RBFOX1: variants seen among roughly 807,000 people sequenced by gnomAD.
The protein encoded by RBFOX1 is RNA binding protein fox-1 homolog 1.
A neutral mutation model predicts 57.7 loss-of-function variants in RBFOX1; 8 were observed. The observed-to-expected ratio is 0.14, with a 90% CI of 0.08 to 0.25. The LOEUF (loss-of-function observed/expected upper bound fraction) is 0.25. RBFOX1 is among the 10% of genes least tolerant of loss of function. RBFOX1 has a pLI of 1.00. For synonymous variants in RBFOX1, 326 were observed against 222.4 expected (o/e 1.47, Z -4.15); for missense variants, 611 against 548.5 (o/e 1.11, Z -1.14).
chr16:5,259,508 A>C (rs561708055), intron 1 of RBFOX1, among the ~76,000 whole-genome samples: 4 of 152,180 alleles, frequency 2.6e-5, no homozygotes, highest in African/African-American at 7.2e-5. Flanking sequence ...CTTCCCCTGG[A>C]TTGTAAACTC....
At chr16:6,533,474 G>GT (rs140373753) in intron 2 of RBFOX1, among the ~76,000 whole-genome samples, 5,837 of 152,208 alleles carry the variant, frequency 0.038, 397 homozygotes, top group African/African-American at 0.13. Context: ...CAGAGCAGTG[G>GT]TTCTGGACTC....
At chr16:5,718,378 A>G (rs936461801) in intron 3 of RBFOX1, among the ~76,000 whole-genome samples, 16 of 152,190 alleles carry the variant, frequency 1.1e-4, no homozygotes, top group African/African-American at 3.6e-4. Flanking sequence ...CCACAGACAC[A>G]TATGTGAGAA....
intron 3 of RBFOX1, among the ~76,000 whole-genome samples, chr16:5,676,317 A>G (rs1033816361): frequency 1.3e-5 from 2 of 152,124 alleles, no homozygotes; most frequent in Non-Finnish European, 2.9e-5. Context: ...CCATTCATCT[A>G]TACTTGCATC....
At chr16:6,460,194 G>A (rs1333944498) in intron 2 of RBFOX1, among the ~76,000 whole-genome samples, 1 of 151,892 alleles carries the variant, frequency 6.6e-6, no homozygotes, top group South Asian at 2.1e-4. Context: ...GGTGTCAGCA[G>A]GATTGGTTCC....
intron 1 of RBFOX1, among the ~76,000 whole-genome samples, chr16:5,427,798 C>G (rs567382330): frequency 1.3e-5 from 2 of 152,224 alleles, no homozygotes; most frequent in East Asian, 3.9e-4. Flanking sequence ...AGAGAGTCAA[C>G]CTGCTGGACT....
At chr16:6,868,975 C>T (rs36050066) in intron 3 of RBFOX1, among the ~76,000 whole-genome samples, 30,711 of 152,036 alleles carry the variant, frequency 0.2, 3,285 homozygotes, top group East Asian at 0.27. Context: ...TGAGAGAAAC[C>T]GTCTGTCAGC....
chr16:7,264,118 C>T (rs1002351913), intron 4 of RBFOX1, among the ~76,000 whole-genome samples: 2 of 152,124 alleles, frequency 1.3e-5, no homozygotes, highest in African/African-American at 2.4e-5. Context: ...AATGACTACC[C>T]TCTTTGTAGC....
intron 2 of RBFOX1, chr16:6,483,675 G>T: frequency 2.1e-6 from 3 of 1,434,002 alleles, no homozygotes; most frequent in Non-Finnish European, 2.8e-6. Context: ...CCGCGGGAGG[G>T]GGTTGCAGAG....
intron 4 of RBFOX1, among the ~76,000 whole-genome samples, chr16:7,480,395 A>G (rs1292148355): frequency 6.6e-6 from 1 of 152,226 alleles, no homozygotes; most frequent in Non-Finnish European, 1.5e-5. Flanking sequence ...CACCTAGTAT[A>G]TAGTAGCTGC....
chr16:5,439,449 G>A (rs542995661), intron 1 of RBFOX1, among the ~76,000 whole-genome samples: 1 of 152,222 alleles, frequency 6.6e-6, no homozygotes, highest in Admixed American at 6.6e-5. Context: ...CTCAGCTGTT[G>A]CAGCACTTCC....
In RBFOX1 at chr16:5,976,992, C is replaced by A. The variant is rs527595911; in HGVS notation, c.351+109657C>A. ...ACTTCTCAAAGTCTGATCTTTGATA[C>A]ACCTCTGCCAGCATCACCTGGGGAG... On this transcript the variant is annotated intron_variant, in intron 4 of 19. Coordinates refer to the RBFOX1 transcript ENST00000641259. Among the ~76,000 whole-genome samples, 4 of 152,296 alleles carry A rather than the reference C, an allele frequency of 2.6e-5. No homozygotes were observed. The East Asian group carries it at 7.7e-4, about 29-fold the overall frequency.
chr16:6,977,072 T>C (rs1357972258), intron 3 of RBFOX1, among the ~76,000 whole-genome samples: 1 of 141,746 alleles, frequency 7.1e-6, no homozygotes, highest in East Asian at 2.0e-4. Flanking sequence ...ATATACTTTA[T>C]CATATATGAT....
intron 1 of RBFOX1, among the ~76,000 whole-genome samples, chr16:6,237,083 G>A (rs376702864): frequency 3.9e-5 from 6 of 152,118 alleles, no homozygotes; most frequent in African/African-American, 4.8e-5. Flanking sequence ...GGAAGTCTTC[G>A]GGTTTGCTTT....
chr16:5,392,321 C>G (rs1596814473), intron 1 of RBFOX1, among the ~76,000 whole-genome samples: 1 of 152,074 alleles, frequency 6.6e-6, no homozygotes, highest in Non-Finnish European at 1.5e-5. Context: ...AGGGCATAGT[C>G]ACATCATATT....
At chr16:5,830,346 GA>G (rs1344211504) in intron 3 of RBFOX1, among the ~76,000 whole-genome samples, 1 of 151,816 alleles carries the variant, frequency 6.6e-6, no homozygotes, top group African/African-American at 2.4e-5. Flanking sequence ...GGAACCTAAT[GA>G]GATCATTAAA....
chr16:7,073,719 C>G (rs1449354727), intron 4 of RBFOX1, among the ~76,000 whole-genome samples: 1 of 152,012 alleles, frequency 6.6e-6, no homozygotes, highest in African/African-American at 2.4e-5. Flanking sequence ...AAAAATTACA[C>G]AGGAACGGTG....
intron 3 of RBFOX1, among the ~76,000 whole-genome samples, chr16:6,922,210 A>T (rs78837387): frequency 0.17 from 25,591 of 152,088 alleles, 2,276 homozygotes; most frequent in Non-Finnish European, 0.21. Context: ...TCTTGCTACA[A>T]TGGAGAGGTC....
chr16:5,979,429 A>T (rs910727121), intron 4 of RBFOX1, among the ~76,000 whole-genome samples: 7 of 152,236 alleles, frequency 4.6e-5, no homozygotes, highest in Non-Finnish European at 7.3e-5. Context: ...CATTCATTCA[A>T]TGTGATTAGT....
intron 1 of RBFOX1, among the ~76,000 whole-genome samples, chr16:6,076,893 A>T (rs2095910315): frequency 6.6e-6 from 1 of 152,206 alleles, no homozygotes; most frequent in African/African-American, 2.4e-5. Flanking sequence ...GCTCTGGCTC[A>T]AGGTGGGAAC....
Sources: allele counts gnomAD v4.1 joint callset (sites outside exome capture counted in the v4.1 genomes callset), GRCh38; gene constraint gnomAD v4.1.1; transcripts MANE v1.5; gene names NCBI Gene and HGNC (gene_info 2026-07-23, HGNC 2026-07-21).